ZMYND8: variants seen among roughly 807,000 people sequenced by gnomAD.
ZMYND8 encodes MYND-type zinc finger-containing chromatin reader ZMYND8.
In ZMYND8, 37 loss-of-function variants were observed where a neutral mutation model predicts 140.8. That is an observed-to-expected ratio of 0.26 (90% CI 0.20 to 0.35). ZMYND8 has a LOEUF of 0.35. ZMYND8 is among the 10% of genes least tolerant of loss of function. ZMYND8 has a pLI of 1.00. For missense variants in ZMYND8, 1,068 were observed against 1,570.0 expected, an observed-to-expected ratio of 0.68 and a Z score of 5.40; for synonymous variants, 592 against 597.1, an observed-to-expected ratio of 0.99 and a Z score of 0.12.
chr20:47,351,648 ATT>A, intron 1 of ZMYND8: 1 of 984,004 alleles, frequency 1.0e-6, no homozygotes, highest in Non-Finnish European at 1.2e-6. Flanking sequence ...TCTACAATTA[ATT>A]TTTTAAGAAA....
At chr20:47,273,174 C>T (rs2076060687) in intron 11 of ZMYND8, among the ~76,000 whole-genome samples, 1 of 152,146 alleles carries the variant, frequency 6.6e-6, no homozygotes, top group Admixed American at 6.5e-5. Flanking sequence ...GGGCATATCA[C>T]CTGTTCCTGA....
chr20:47,258,688 TCA>T (rs2074934557), intron 12 of ZMYND8, among the ~76,000 whole-genome samples: 2 of 152,206 alleles, frequency 1.3e-5, no homozygotes, highest in Non-Finnish European at 2.9e-5. Flanking sequence ...GTGCTCCCTT[TCA>T]TTGTCCCTGT....
chr20:47,292,972 AG>A (rs985549640), intron 5 of ZMYND8, among the ~76,000 whole-genome samples: 1 of 151,138 alleles, frequency 6.6e-6, no homozygotes, highest in Non-Finnish European at 1.5e-5. Flanking sequence ...CTGAGGTGGG[AG>A]GATCGCCTGA....
At chr20:47,220,576 T>C (rs1311270554) in intron 20 of ZMYND8, among the ~76,000 whole-genome samples, 5 of 152,000 alleles carry the variant, frequency 3.3e-5, no homozygotes, top group African/African-American at 7.3e-5. Flanking sequence ...GAACATTCAC[T>C]GTTTCCTAAA....
At chr20:47,254,348 T>G (rs150026173) in intron 12 of ZMYND8, among the ~76,000 whole-genome samples, 1 of 152,352 alleles carries the variant, frequency 6.6e-6, no homozygotes, top group East Asian at 1.9e-4. Flanking sequence ...TGGCCTCTGA[T>G]GCTCAATTCC....
At chr20:47,232,473 C>A (rs531473129) in intron 16 of ZMYND8, among the ~76,000 whole-genome samples, 1 of 151,914 alleles carries the variant, frequency 6.6e-6, no homozygotes, top group Admixed American at 6.6e-5. Flanking sequence ...GTGGGAGGGT[C>A]GCTTGAACCC....
At chr20:47,248,105 G>T (rs1341464398) in intron 13 of ZMYND8, among the ~76,000 whole-genome samples, 1 of 152,194 alleles carries the variant, frequency 6.6e-6, no homozygotes, top group Non-Finnish European at 1.5e-5. Flanking sequence ...CTGCTTTTCT[G>T]TTTTTATTAC....
At chr20:47,272,055 A>AG (rs1019261177) in intron 11 of ZMYND8, among the ~76,000 whole-genome samples, 1 of 97,222 alleles carries the variant, frequency 1.0e-5, no homozygotes, top group Non-Finnish European at 2.0e-5. Flanking sequence ...ATTATAAAAA[A>AG]AGGGGGGGGG....
chr20:47,347,707 T>C (rs1357255154), intron 2 of ZMYND8, 149 bp downstream of exon 2: 6 of 753,690 alleles, frequency 8.0e-6, no homozygotes, highest in Admixed American at 5.0e-5. Flanking sequence ...TCAATTAGGT[T>C]CATCCATCAA....
intron 2 of ZMYND8, among the ~76,000 whole-genome samples, chr20:47,339,163 G>A (rs1399179643): frequency 2.0e-5 from 3 of 151,696 alleles, no homozygotes; most frequent in Non-Finnish European, 4.4e-5. Flanking sequence ...TAGTAGAGAC[G>A]GGGTTTCACT....
rs1472240523 is a variant in ZMYND8 at position 47,298,300 on chromosome 20, A to G, written c.453+429T>C. 1.0e-6 allele frequency: 1 copy of G among 985,334 alleles called. No homozygotes were observed. Among genetic ancestry groups the G allele is most frequent in the Non-Finnish European group, 1.2e-6 (1 of 829,956 alleles). The allele number at this position is 985,334 out of a possible 1,614,324, so 61.0% of individuals were successfully genotyped here. On this transcript the variant is annotated intron_variant, in intron 4 of 22. Transcript: ENST00000471951. The surrounding 1 kb of genome is among the most constrained non-coding windows in gnomAD (Gnocchi z 5.0). Reference sequence around the variant, plus strand: ...GCACCAGACGGCCACTACAGGGAACATGCAACCAAACGTGGTCTTCTCAGC... The same window carrying G: ...GCACCAGACGGCCACTACAGGGAACGTGCAACCAAACGTGGTCTTCTCAGC...
At chr20:47,334,216 AAG>A (rs1300317893) in intron 2 of ZMYND8, among the ~76,000 whole-genome samples, 4 of 152,164 alleles carry the variant, frequency 2.6e-5, no homozygotes, top group East Asian at 1.9e-4. Flanking sequence ...CTGGCACCCC[AAG>A]AGAGTCTCAT....
At position 47,249,402 on chromosome 20, in the gene ZMYND8, G is replaced by A. The variant is rs373193167; in HGVS notation, c.1659C>T (p.Ser553=). ...SKAEMDLKEL[S]ESVQQQSTPV... Reference sequence around the variant, plus strand: ...GGGTGGACTGTTGCTGGACCGACTCGCTCAGCTCCTTCAAATCCATCTCAG... The same window carrying A: ...GGGTGGACTGTTGCTGGACCGACTCACTCAGCTCCTTCAAATCCATCTCAG... Residue 553 remains serine, a synonymous_variant, in exon 13 of 23, where the codon AGC becomes AGT. Coordinates refer to ENST00000471951, the MANE Select transcript of ZMYND8 (RefSeq NM_001281775.3). The A allele has an allele frequency of 1.4e-5, 22 of 1,613,996 alleles. No individual in the cohort carries two copies. The highest frequency in any genetic ancestry group is 2.2e-5 in the East Asian group (1 of 44,892).
chr20:47,270,697 G>GAAAAA (rs34474269), intron 11 of ZMYND8, among the ~76,000 whole-genome samples: 4 of 86,638 alleles, frequency 4.6e-5, no homozygotes, highest in African/African-American at 1.4e-4. Context: ...CCCTGTCTCT[G>GAAAAA]AAAAAAAAAA....
chr20:47,316,687 T>C (rs1282437676), intron 2 of ZMYND8, among the ~76,000 whole-genome samples: 6 of 149,068 alleles, frequency 4.0e-5, no homozygotes, highest in Admixed American at 2.0e-4. Context: ...CCCAGCTACT[T>C]GGGAGGCTGA....
chr20:47,239,270 G>C (rs2147192078), intron 14 of ZMYND8, 132 bp from the exon 15 acceptor site: 1 of 1,215,752 alleles, frequency 8.2e-7, no homozygotes, highest in Middle Eastern at 3.0e-4. Context: ...GACGTGCCAA[G>C]CACACCGCGC....
chr20:47,258,355 T>C lies in ZMYND8; in HGVS notation c.1621+3933A>G, dbSNP rs566538133. On this transcript the variant is annotated intron_variant, in intron 12 of 22. Transcript: ENST00000471951. Reference sequence around the variant, plus strand: ...TTCTCTGTGCCCCAGTTTACACTTCTGTGAAACATAGATATTACCTACTTT... The same window carrying C: ...TTCTCTGTGCCCCAGTTTACACTTCCGTGAAACATAGATATTACCTACTTT... Among the ~76,000 whole-genome samples the C allele has an allele frequency of 7.2e-4, 110 of 152,384 alleles. 1 individual carries two copies. Among genetic ancestry groups the C allele is most frequent in the East Asian group, 5.6e-3 (29 of 5,190 alleles).
At chr20:47,314,264 TGAGGTTAGCA>T (rs961456985) in intron 2 of ZMYND8, among the ~76,000 whole-genome samples, 19 of 151,970 alleles carry the variant, frequency 1.3e-4, no homozygotes, top group African/African-American at 4.6e-4. Context: ...CTTGGGAGGC[TGAGGTTAGCA>T]GATCGCTTGA....
rs150425292 is a variant in ZMYND8, at chr20:47,215,378, CTAATAA to C, written c.3485-2659_3485-2654del. Among the ~76,000 whole-genome samples the C allele has an allele frequency of 2.8e-3, 427 of 151,646 alleles. 1 individual carries two copies. The highest frequency in any genetic ancestry group is 8.7e-3 in the African/African-American group (360 of 41,314). On this transcript the variant is annotated intron_variant, in intron 21 of 22. Coordinates refer to ENST00000471951, the MANE Select transcript of ZMYND8 (RefSeq NM_001281775.3). ...ACAGTGCAAGACTCCATCTCAAATA[CTAATAA>C]TAATAATAATAAATGTCCATGACTG...
Sources: gnomAD v4.1 joint callset for allele counts (sites outside exome capture counted in the v4.1 genomes callset) on GRCh38, gnomAD v4.1.1 for gene constraint, Gnocchi (gnomAD v3.1) non-coding constraint, MANE v1.5 for transcripts, NCBI Gene and HGNC (gene_info 2026-07-23, HGNC 2026-07-21) for gene names.